SCRG1: variants seen among roughly 807,000 people sequenced by gnomAD.
The protein encoded by SCRG1 is stimulator of chondrogenesis 1, also known as scrapie-responsive protein 1.
Under a neutral mutation model 7.7 loss-of-function variants are expected in SCRG1, and 3 were observed. The ratio of observed to expected loss-of-function variants is 0.39; its 90% CI spans 0.18 to 1.01. SCRG1 has a LOEUF of 1.01. SCRG1 is among the 50% of genes least tolerant of loss of function. The pLI is 0.36. For synonymous variants in SCRG1, 46 were observed against 41.2 expected (o/e 1.12, Z -0.44); for missense variants, 110 against 117.2 (o/e 0.94, Z 0.28).
chr4:173,483,833 T>C, the SCRG1 span, among the ~76,000 whole-genome samples: 1 of 72,154 alleles, frequency 1.4e-5, no homozygotes, highest in African/African-American at 5.7e-5. Context: ...ATATATATAA[T>C]ATATAATATA....
At chr4:173,481,700 T>C in the SCRG1 span, among the ~76,000 whole-genome samples, 1 of 152,302 alleles carries the variant, frequency 6.6e-6, no homozygotes, top group Admixed American at 6.5e-5. Context: ...ATAATCCACT[T>C]CCACTTAATG....
chr4:173,518,361 G>C, the SCRG1 span, among the ~76,000 whole-genome samples: 2 of 152,302 alleles, frequency 1.3e-5, no homozygotes, highest in East Asian at 1.9e-4. Flanking sequence ...GGTAGGCAGG[G>C]AACCCGGAGC....
At chr4:173,395,248 A>C (rs1022626032) in intron 1 of SCRG1, among the ~76,000 whole-genome samples, 1 of 152,218 alleles carries the variant, frequency 6.6e-6, no homozygotes, top group African/African-American at 2.4e-5. Flanking sequence ...CATTAGACCG[A>C]AGGCTCCATG....
intron 2 of SCRG1, among the ~76,000 whole-genome samples, chr4:173,390,613 C>T (rs1739403116): frequency 1.3e-5 from 2 of 151,996 alleles, no homozygotes; most frequent in African/African-American, 4.8e-5. Flanking sequence ...GCTGGGATTA[C>T]AGGCACATGC....
At chr4:173,456,054 G>T in the SCRG1 span, among the ~76,000 whole-genome samples, 4 of 152,194 alleles carry the variant, frequency 2.6e-5, no homozygotes, top group Admixed American at 6.5e-5. Context: ...CACTTTTCAA[G>T]AATGGAACAG....
chr4:173,510,897 C>A, the SCRG1 span, among the ~76,000 whole-genome samples: 1 of 152,214 alleles, frequency 6.6e-6, no homozygotes, highest in Non-Finnish European at 1.5e-5. This position sits in a 1 kb window ranked among gnomAD's most constrained non-coding sequence, Gnocchi z 5.7. Context: ...AGAGAAGAAT[C>A]TATTCTTCTG....
chr4:173,456,580 C>T, the SCRG1 span, among the ~76,000 whole-genome samples: 6 of 152,134 alleles, frequency 3.9e-5, no homozygotes, highest in African/African-American at 1.4e-4. Context: ...TTTTAAACCT[C>T]AAACTTTTTG....
chr4:173,456,387 G>T, the SCRG1 span, among the ~76,000 whole-genome samples: 1 of 152,150 alleles, frequency 6.6e-6, no homozygotes, highest in Non-Finnish European at 1.5e-5. Flanking sequence ...AGCTGATTTT[G>T]TGTCAATGAA....
At chr4:173,470,730 A>G in the SCRG1 span, among the ~76,000 whole-genome samples, 1 of 152,364 alleles carries the variant, frequency 6.6e-6, no homozygotes, top group East Asian at 1.9e-4. Flanking sequence ...ATTCTAACTA[A>G]TAGCCATAAA....
intron 1 of SCRG1, among the ~76,000 whole-genome samples, 160 bp downstream of exon 1, chr4:173,398,908 A>G (rs1248313767): frequency 2.0e-4 from 31 of 152,292 alleles, no homozygotes. Context: ...TTCTACTAGG[A>G]AGCATCATAT....
the SCRG1 span, among the ~76,000 whole-genome samples, chr4:173,473,083 T>A: frequency 6.6e-6 from 1 of 152,182 alleles, no homozygotes; most frequent in Non-Finnish European, 1.5e-5. Context: ...ATAAAAACTA[T>A]CCTAAAAAAG....
At chr4:173,424,963 T>A in the SCRG1 span, among the ~76,000 whole-genome samples, 2 of 99,106 alleles carry the variant, frequency 2.0e-5, no homozygotes, top group African/African-American at 6.1e-5. Flanking sequence ...CATATAATGT[T>A]GAATGACTTT....
In SCRG1 at chr4:173,397,578, A is replaced by C. The variant is rs576325672; in HGVS notation, c.-15+1490T>G. ...CAGAGGATACAGGATTATGAGCAAG[A>C]CATTTCCAACTAAACAATAAATCAT... is the stretch of plus-strand genomic sequence containing the variant. On this transcript the variant is annotated intron_variant, in intron 1 of 2. Transcript: ENST00000296506. Among the ~76,000 whole-genome samples, 23 of 152,352 alleles carry C rather than the reference A, an allele frequency of 1.5e-4. No individual in the cohort carries two copies. In the East Asian group the frequency reaches 3.5e-3, roughly 23 times the overall value.
At chr4:173,432,311 C>T in the SCRG1 span, among the ~76,000 whole-genome samples, 1 of 137,756 alleles carries the variant, frequency 7.3e-6, no homozygotes, top group African/African-American at 2.7e-5. Context: ...CCCTCCCTCC[C>T]TCCTTCCCTT....
At chr4:173,471,813 G>A in the SCRG1 span, among the ~76,000 whole-genome samples, 72 of 152,312 alleles carry the variant, frequency 4.7e-4, 1 homozygote, top group East Asian at 9.7e-4. Context: ...GGGTTCAAGC[G>A]ATTCTCCTGC....
the SCRG1 span, among the ~76,000 whole-genome samples, chr4:173,436,585 G>A: frequency 1.3e-5 from 2 of 152,124 alleles, no homozygotes; most frequent in Non-Finnish European, 2.9e-5. Flanking sequence ...ACCAAACACT[G>A]AAGCAAAACA....
the SCRG1 span, among the ~76,000 whole-genome samples, chr4:173,412,022 T>C: frequency 6.6e-6 from 1 of 152,206 alleles, no homozygotes. Context: ...TAGCCCAGCT[T>C]GTTCTGCTAC....
chr4:173,479,448 T>TG, the SCRG1 span, among the ~76,000 whole-genome samples: 4 of 149,324 alleles, frequency 2.7e-5, no homozygotes, highest in African/African-American at 7.3e-5. Context: ...TTTTTGTTTT[T>TG]TTTTTTTTTT....
chr4:173,455,318 T>C, the SCRG1 span, among the ~76,000 whole-genome samples: 1 of 152,196 alleles, frequency 6.6e-6, no homozygotes, highest in African/African-American at 2.4e-5. Flanking sequence ...CACATTACAC[T>C]TGTCACAGAA....
Sources: gnomAD v4.1 joint callset for allele counts (sites outside exome capture counted in the v4.1 genomes callset) on GRCh38, gnomAD v4.1.1 for gene constraint, Gnocchi (gnomAD v3.1) non-coding constraint, MANE v1.5 for transcripts, NCBI Gene and HGNC (gene_info 2026-07-23, HGNC 2026-07-21) for gene names.